ADARB2: variants seen among roughly 807,000 people sequenced by gnomAD.
ADARB2 encodes the protein adenosine deaminase RNA specific B2 (inactive), also known as inactive double-stranded RNA-specific editase B2.
Under a neutral mutation model 62.2 loss-of-function variants are expected in ADARB2, and 25 were observed. That is an observed-to-expected ratio of 0.40 (90% CI 0.29 to 0.56). The LOEUF (loss-of-function observed/expected upper bound fraction) is 0.56. Among genes scored for constraint, ADARB2 ranks in the 20% least tolerant of loss-of-function variants. ADARB2 has a pLI of 0.43. For missense variants in ADARB2, 1,071 were observed against 1,077.4 expected (o/e 0.99, Z 0.08); for synonymous variants, 572 against 500.8 (o/e 1.14, Z -1.90).
At chr10:1,698,398 C>T (rs952815806) in intron 1 of ADARB2, among the ~76,000 whole-genome samples, 5 of 152,164 alleles carry the variant, frequency 3.3e-5, no homozygotes, top group Non-Finnish European at 5.9e-5. Flanking sequence ...GGGGGCTCTG[C>T]GACCTCCGAT....
chr10:1,526,723 C>T, intron 1 of ADARB2: 1 of 352,376 alleles, frequency 2.8e-6, no homozygotes. Flanking sequence ...ATAAATCACC[C>T]AGCCTCGGGT....
chr10:1,433,240 G>A (rs138341579), intron 1 of ADARB2, among the ~76,000 whole-genome samples: 3 of 152,288 alleles, frequency 2.0e-5, no homozygotes, highest in African/African-American at 7.2e-5. Flanking sequence ...TGTGGCAGCT[G>A]GTGTGAAATG....
intron 3 of ADARB2, among the ~76,000 whole-genome samples, chr10:1,307,935 T>TG (rs1831646006): frequency 1.3e-5 from 1 of 79,850 alleles, no homozygotes; most frequent in Admixed American, 1.6e-4. Flanking sequence ...TGTCGTGGGG[T>TG]GGGGGGAGGG....
At chr10:1,458,461 T>C (rs1379760517) in intron 1 of ADARB2, among the ~76,000 whole-genome samples, 1 of 152,100 alleles carries the variant, frequency 6.6e-6, no homozygotes, top group Non-Finnish European at 1.5e-5. Context: ...GTTTTATTGA[T>C]CACTAAAAAC....
chr10:1,595,825 C>G (rs944236120), intron 1 of ADARB2, among the ~76,000 whole-genome samples: 4 of 152,258 alleles, frequency 2.6e-5, no homozygotes, highest in African/African-American at 9.6e-5. Context: ...GAGATCAGAG[C>G]AGCCCTAGGC....
intron 1 of ADARB2, among the ~76,000 whole-genome samples, chr10:1,460,346 C>A (rs202002776): frequency 8.6e-4 from 37 of 43,180 alleles, no homozygotes; most frequent in East Asian, 2.7e-3. Flanking sequence ...CTGAGTTTAC[C>A]TGTGTAACGA....
intron 1 of ADARB2, among the ~76,000 whole-genome samples, chr10:1,585,284 T>C (rs1196821027): frequency 1.3e-5 from 2 of 151,962 alleles, no homozygotes; most frequent in Non-Finnish European, 2.9e-5. Flanking sequence ...GGAAAATAAA[T>C]CTCAGGATCC....
chr10:1,597,783 AG>A (rs1480018485), intron 1 of ADARB2, among the ~76,000 whole-genome samples: 3 of 152,250 alleles, frequency 2.0e-5, no homozygotes, highest in African/African-American at 7.2e-5. Context: ...ATCTACCCAA[AG>A]GGAAAGAAAT....
At chr10:1,656,292 C>T (rs1465641980) in intron 1 of ADARB2, among the ~76,000 whole-genome samples, 1 of 152,204 alleles carries the variant, frequency 6.6e-6, no homozygotes, top group Admixed American at 6.5e-5. Flanking sequence ...CAGATGACGT[C>T]GAACCTAGGG....
intron 3 of ADARB2, among the ~76,000 whole-genome samples, chr10:1,325,479 T>C (rs1390136734): frequency 6.6e-6 from 1 of 152,126 alleles, no homozygotes; most frequent in Non-Finnish European, 1.5e-5. Flanking sequence ...AGGGACTGAG[T>C]AGCACTCCCG....
At chr10:1,386,761 G>C (rs996051427) in intron 1 of ADARB2, among the ~76,000 whole-genome samples, 2 of 151,834 alleles carry the variant, frequency 1.3e-5, no homozygotes, top group Non-Finnish European at 3.0e-5. Flanking sequence ...GTGAGAAAAA[G>C]GTGGTATAGA....
Position 1,278,117 on chromosome 10 carries a change from G to A in ADARB2, c.1078-7048C>T, listed in dbSNP as rs190382468. 1.4e-4 allele frequency among the ~76,000 whole-genome samples: 21 copies of A among 151,960 alleles called. No individual in the cohort carries two copies. In the East Asian group the frequency reaches 3.3e-3, roughly 24 times the overall value. ...CCCAAGTAGCTGGGACTACAGGCGC[G>A]CGCCACTATGCCTGGCTAATTTTAG... On this transcript the variant is annotated intron_variant, in intron 3 of 9. Transcript: ENST00000381312.
At position 1,313,691 on chromosome 10, in the gene ADARB2, C is replaced by T. The variant is rs74118224; in HGVS notation, c.1078-42622G>A. ...GGTTAGAGGGAGGGTGGGAGAACGA[C>T]AGTGGCCCCACACACCACAGAGATG... On this transcript the variant is annotated intron_variant, in intron 3 of 9. Transcript: ENST00000381312. Among the ~76,000 whole-genome samples the T allele has an allele frequency of 2.1e-3, 313 of 152,308 alleles. 3 individuals carry two copies. Among genetic ancestry groups the T allele is most frequent in the African/African-American group, 7.4e-3 (306 of 41,572 alleles).
chr10:1,525,515 T>C lies in ADARB2; in HGVS notation c.101-146355A>G, dbSNP rs572222875. ...TCAGCCGTGCAGTTCTGTGGGTATC[T>C]AGGGGGCCTTTTCAGTTCAAAGTAC... On this transcript the variant is annotated intron_variant, in intron 1 of 9. Coordinates refer to ENST00000381312, the MANE Select transcript of ADARB2 (RefSeq NM_018702.4). Among the ~76,000 whole-genome samples the C allele has an allele frequency of 4.6e-5, 7 of 152,328 alleles. No individual in the cohort carries two copies. The East Asian group carries it at 1.4e-3, about 29-fold the overall frequency.
chr10:1,663,462 T>C (rs1834274554), intron 1 of ADARB2, among the ~76,000 whole-genome samples: 1 of 151,800 alleles, frequency 6.6e-6, no homozygotes, highest in Non-Finnish European at 1.5e-5. Flanking sequence ...CCGCCACCCC[T>C]GGAAACCATG....
At chr10:1,375,777 TGCACACACATGCACACAC>T (rs1335447731) in intron 2 of ADARB2, among the ~76,000 whole-genome samples, 4 of 150,676 alleles carry the variant, frequency 2.7e-5, no homozygotes, top group Admixed American at 2.6e-4. Context: ...CGCACACATG[TGCACACACATGCACACAC>T]GCACACACAC....
chr10:1,460,763 A>G (rs1195547303), intron 1 of ADARB2, among the ~76,000 whole-genome samples: 14 of 120,876 alleles, frequency 1.2e-4, no homozygotes, highest in East Asian at 4.5e-4. Flanking sequence ...CCTGCGTAAC[A>G]AACCTGCCTG....
chr10:1,673,248 CATGTAT>C (rs1348189156), intron 1 of ADARB2, among the ~76,000 whole-genome samples: 4 of 151,600 alleles, frequency 2.6e-5, no homozygotes, highest in African/African-American at 4.9e-5. Flanking sequence ...AGTGAATATA[CATGTAT>C]ATGTATAATA....
At chr10:1,317,380 G>A (rs1831748495) in intron 3 of ADARB2, among the ~76,000 whole-genome samples, 1 of 152,186 alleles carries the variant, frequency 6.6e-6, no homozygotes, top group Non-Finnish European at 1.5e-5. Context: ...ATCTCCACGA[G>A]CCTGACAGGC....
Sources: gnomAD v4.1 joint callset for allele counts (sites outside exome capture counted in the v4.1 genomes callset) on GRCh38, gnomAD v4.1.1 for gene constraint, MANE v1.5 for transcripts, NCBI Gene and HGNC (gene_info 2026-07-23, HGNC 2026-07-21) for gene names.